NEO1: variants seen among roughly 807,000 people sequenced by gnomAD.
The protein encoded by NEO1 is neogenin.
NEO1 carries 63 observed loss-of-function variants against 159.7 expected under a neutral mutation model. That is an observed-to-expected ratio of 0.39 (90% CI 0.32 to 0.49). NEO1 has a LOEUF of 0.49. Ranked by LOEUF, NEO1 falls within the 20% of genes least tolerant of loss-of-function variation. NEO1 has a pLI of 0.85. For missense variants in NEO1, 1,615 were observed against 1,831.0 expected (o/e 0.88, Z 2.15); for synonymous variants, 633 against 662.0 (o/e 0.96, Z 0.67).
At chr15:73,182,196 T>C (rs2619258) in intron 7 of NEO1, among the ~76,000 whole-genome samples, 128,890 of 152,040 alleles carry the variant, frequency 0.85, 56,054 homozygotes, top group Non-Finnish European at 0.94. Flanking sequence ...AATTCAATCA[T>C]CTCCCACTGG....
At chr15:73,270,940 G>A (rs990390638) in intron 18 of NEO1, among the ~76,000 whole-genome samples, 11 of 152,198 alleles carry the variant, frequency 7.2e-5, no homozygotes, top group African/African-American at 2.2e-4. Context: ...AGAGAGAACA[G>A]GCTATCTGGG....
intron 7 of NEO1, among the ~76,000 whole-genome samples, chr15:73,206,066 C>T (rs559944949): frequency 2.2e-4 from 33 of 152,014 alleles, no homozygotes; most frequent in Non-Finnish European, 4.3e-4. Context: ...GCCACTACGT[C>T]CAGCTAATTT....
intron 5 of NEO1, among the ~76,000 whole-genome samples, chr15:73,165,917 G>A (rs938504040): frequency 6.6e-6 from 1 of 152,154 alleles, no homozygotes; most frequent in Non-Finnish European, 1.5e-5. Flanking sequence ...TCCCCTTACT[G>A]CACATGTGTC....
intron 7 of NEO1, among the ~76,000 whole-genome samples, chr15:73,186,968 C>G (rs775533846): frequency 2.0e-5 from 3 of 152,154 alleles, no homozygotes; most frequent in African/African-American, 4.8e-5. Context: ...TATGCTTACT[C>G]TGGTCTAACA....
At position 73,303,350 on chromosome 15, in the gene NEO1, TA is replaced by T. The variant is rs1162386920; in HGVS notation, c.*655del. 4 of 152,700 alleles carry T rather than the reference TA, an allele frequency of 2.6e-5. No homozygotes were observed. The highest frequency in any genetic ancestry group is 6.5e-5 in the Admixed American group (1 of 15,294). The allele number at this position is 152,700 out of a possible 1,614,324, so 9.5% of individuals were successfully genotyped here. ...ATTGCTGTTTGTAAGCTTTTTTTAT[TA>T]TTTTTTTATTATAATTATTAAAGGC... On this transcript the variant is annotated 3_prime_UTR_variant, in exon 29 of 29. Coordinates refer to ENST00000261908, the MANE Select transcript of NEO1 (RefSeq NM_002499.4).
intron 2 of NEO1, among the ~76,000 whole-genome samples, chr15:73,118,129 T>C (rs151075232): frequency 3.5e-4 from 53 of 152,272 alleles, no homozygotes; most frequent in African/African-American, 1.1e-3. Context: ...TCCCCCCATA[T>C]ACTATCATCA....
At chr15:73,132,587 A>C (rs2031267129) in intron 4 of NEO1, among the ~76,000 whole-genome samples, 1 of 152,236 alleles carries the variant, frequency 6.6e-6, no homozygotes, top group Non-Finnish European at 1.5e-5. Context: ...TAATCAGTAG[A>C]GTAAACAGAC....
At chr15:73,245,407 C>G (rs1023393199) in intron 9 of NEO1, among the ~76,000 whole-genome samples, 1 of 152,114 alleles carries the variant, frequency 6.6e-6, no homozygotes, top group African/African-American at 2.4e-5. Flanking sequence ...GAGTGTCAAT[C>G]AGGTTTATTT....
At chr15:73,260,140 A>G (rs906030283) in intron 14 of NEO1, 131 bp from the exon 15 acceptor site, 2 of 643,766 alleles carry the variant, frequency 3.1e-6, no homozygotes, top group African/African-American at 3.6e-5. Context: ...ATTCTTTTTG[A>G]ACTCTTGGGC....
Position 73,091,673 on chromosome 15 carries a change from C to T in NEO1, c.131-24867C>T, listed in dbSNP as rs574828024. On this transcript the variant is annotated intron_variant, in intron 1 of 28. Transcript: ENST00000261908. ...GACCTCCCTGGGCTCAGGTGATCTT[C>T]CCACCACAGCCTCCTGTGGAGCTGG... Among the ~76,000 whole-genome samples, 320 of 151,960 alleles carry T rather than the reference C, an allele frequency of 2.1e-3. 2 individuals carry two copies. Among genetic ancestry groups the T allele is most frequent in the African/African-American group, 7.4e-3 (305 of 41,406 alleles).
At chr15:73,163,280 TTTTA>T (rs2034320713) in intron 5 of NEO1, among the ~76,000 whole-genome samples, 1 of 152,222 alleles carries the variant, frequency 6.6e-6, no homozygotes, top group South Asian at 2.1e-4. Flanking sequence ...TTCTTTTGGC[TTTTA>T]TTTTTCTTTT....
chr15:73,106,777 G>T (rs2070716537), intron 1 of NEO1, among the ~76,000 whole-genome samples: 2 of 152,274 alleles, frequency 1.3e-5, no homozygotes, highest in African/African-American at 2.4e-5. Flanking sequence ...TACTAGGGAT[G>T]GGGAATTGAA....
chr15:73,257,978 G>A (rs1351175118), intron 13 of NEO1, among the ~76,000 whole-genome samples: 1 of 152,158 alleles, frequency 6.6e-6, no homozygotes, highest in African/African-American at 2.4e-5. Flanking sequence ...CAGATGTCAG[G>A]ATGGGCCTAC....
intron 4 of NEO1, among the ~76,000 whole-genome samples, chr15:73,135,476 C>A (rs1309404403): frequency 6.6e-6 from 1 of 152,146 alleles, no homozygotes; most frequent in Non-Finnish European, 1.5e-5. Flanking sequence ...TGTTTTCTTT[C>A]TGTTATTAAT....
chr15:73,135,726 G>T (rs8034243), intron 4 of NEO1, among the ~76,000 whole-genome samples, 165 bp from the exon 5 acceptor site: 19,631 of 151,958 alleles, frequency 0.13, 1,945 homozygotes, highest in African/African-American at 0.27. Context: ...AAAGCAAATT[G>T]GACTAAATTA....
chr15:73,170,980 C>T lies in NEO1; in HGVS notation c.1016-5423C>T, dbSNP rs529630472. On this transcript the variant is annotated intron_variant, in intron 5 of 28. Coordinates refer to ENST00000261908, the MANE Select transcript of NEO1 (RefSeq NM_002499.4). ...AACCTCCTGATAGATGCACATGGAA[C>T]TGCCTATGAAGTAGTCTCGGGGGAA... Among the ~76,000 whole-genome samples the T allele has an allele frequency of 1.7e-4, 26 of 150,466 alleles. No individual in the cohort carries two copies. In the South Asian group the frequency reaches 5.5e-3, roughly 32 times the overall value.
At chr15:73,251,722 A>C (rs1279599755) in intron 11 of NEO1, among the ~76,000 whole-genome samples, 1 of 152,116 alleles carries the variant, frequency 6.6e-6, no homozygotes, top group Non-Finnish European at 1.5e-5. Flanking sequence ...TACCTGTGGG[A>C]ACTGAACACA....
intron 1 of NEO1, among the ~76,000 whole-genome samples, chr15:73,059,282 G>A (rs1201086174): frequency 1.3e-5 from 2 of 152,186 alleles, no homozygotes; most frequent in Non-Finnish European, 2.9e-5. Flanking sequence ...TTATTTTACT[G>A]AATGAAGTCA....
chr15:73,253,459 T>C lies in NEO1; in HGVS notation c.1944+10T>C. 6.3e-7 allele frequency: 1 copy of C among 1,593,632 alleles called. No individual in the cohort carries two copies. On this transcript the variant is annotated intron_variant, in intron 12 of 28. Transcript: ENST00000261908. ...AGTGAGAAATTCAAAGGTAAAACTG[T>C]ATGATGCTGCTGTTCATTTTTACTG...
Sources: gnomAD v4.1 joint callset for allele counts (sites outside exome capture counted in the v4.1 genomes callset) on GRCh38, gnomAD v4.1.1 for gene constraint, MANE v1.5 for transcripts, NCBI Gene and HGNC (gene_info 2026-07-23, HGNC 2026-07-21) for gene names.